The following HTR3D variants were observed in gnomAD, a reference collection of about 807,000 sequenced individuals.
The protein encoded by HTR3D is 5-hydroxytryptamine receptor 3D.
HTR3D carries 47 observed loss-of-function variants against 45.8 expected under a neutral mutation model. That is an observed-to-expected ratio of 1.03 (90% CI 0.81 to 1.31). HTR3D has a LOEUF of 1.31. HTR3D is among the 50% of genes most tolerant of loss of function. The pLI, the probability that HTR3D is intolerant of heterozygous loss-of-function variation, is 0.00. For synonymous variants in HTR3D, 203 were observed against 199.8 expected (o/e 1.02, Z -0.13); for missense variants, 448 against 506.9 (o/e 0.88, Z 1.12).
intron 1 of HTR3D, among the ~76,000 whole-genome samples, chr3:184,034,563 AAG>A (rs1722830007): frequency 6.6e-6 from 1 of 152,168 alleles, no homozygotes; most frequent in African/African-American, 2.4e-5. Context: ...TAAAATGGTT[AAG>A]AGAGTACATT....
At position 184,033,061 on chromosome 3, in the gene HTR3D, G is replaced by C. The variant is rs752732862; in HGVS notation, c.66+1254G>C. The C allele has an allele frequency of 2.6e-6, 4 of 1,548,730 alleles. No homozygotes were observed. The South Asian group carries it at 3.6e-5, about 14-fold the overall frequency. On this transcript the variant is annotated intron_variant, in intron 1 of 7. Transcript: ENST00000428798. ...TCACCTTGTCTGCCATCTGGAAGTT[G>C]TAAGTCCTCACCCAACATTGCAGTG... is the stretch of plus-strand genomic sequence containing the variant.
chr3:184,039,159 T>A lies in HTR3D; in HGVS notation c.*184T>A, dbSNP rs1413626580. On this transcript the variant is annotated 3_prime_UTR_variant, in exon 8 of 8. Transcript: ENST00000428798. ...CCTCCAAAAGTCGGGTCCTTGCTCC[T>A]GCATGCCATCAGCCCCACTCAGCCC... 4.7e-6 allele frequency: 3 copies of A among 640,082 alleles called. No homozygotes were observed. The highest frequency in any genetic ancestry group is 8.0e-6 in the Non-Finnish European group (3 of 377,204). 39.7% of individuals were successfully genotyped at this position (640,082 alleles called of 1,614,324 possible).
intron 5 of HTR3D, among the ~76,000 whole-genome samples, chr3:184,037,817 A>G (rs1456165341): frequency 6.6e-6 from 1 of 152,232 alleles, no homozygotes; most frequent in African/African-American, 2.4e-5. Flanking sequence ...AAAAGGAATG[A>G]GATACATTTC....
At position 184,035,993 on chromosome 3, in the gene HTR3D, T is replaced by A. The variant is rs1245518912; in HGVS notation, c.112-22T>A. On this transcript the variant is annotated intron_variant, in intron 2 of 7. Coordinates refer to ENST00000428798, the MANE Select transcript of HTR3D (RefSeq NM_001145143.1). ...CAGACAGAAGCCACCATGCCCGGCC[T>A]TGGCACAATCAATTTGTGCAGTGGA... The A allele has an allele frequency of 5.2e-6, 8 of 1,550,230 alleles. No individual in the cohort carries two copies. The African/African-American group carries it at 8.2e-5, about 16-fold the overall frequency.
chr3:184,036,074 G>T lies in HTR3D; in HGVS notation c.171G>T (p.Trp57Cys). 1 of 1,551,472 alleles carries T rather than the reference G, an allele frequency of 6.4e-7. No homozygotes were observed. Among genetic ancestry groups the T allele is most frequent in the South Asian group, 1.2e-5 (1 of 84,026 alleles). ...KKSGMATENL[W>C]LSDVFIEESV... ...CCGGCATGGCAACTGAGAACCTATG[G>T]CTTTCAGATGTCTTCATCGAGGAGT... Residue 57 changes from tryptophan to cysteine, a missense_variant, in exon 3 of 8, where the codon TGG (tryptophan) becomes TGT (cysteine). By Grantham distance (215) the Trp-to-Cys change is radical. Coordinates refer to ENST00000428798, the MANE Select transcript of HTR3D (RefSeq NM_001145143.1).
Position 184,036,844 on chromosome 3 carries a change from G to C in HTR3D, c.464G>C (p.Arg155Thr), listed in dbSNP as rs921621347. 6.4e-7 allele frequency: 1 copy of C among 1,551,634 alleles called. No homozygotes were observed. Among genetic ancestry groups the C allele is most frequent in the Non-Finnish European group, 8.7e-7 (1 of 1,146,960 alleles). The change falls in exon 5 of 8, where the codon AGA becomes ACA. Residue 155 changes from arginine (R) to threonine (T), a missense_variant. Coordinates refer to ENST00000428798, the MANE Select transcript of HTR3D (RefSeq NM_001145143.1). ...TGGGTACTGCTGGGTATCCAAAAAA[G>C]AACAATAAAGGTGACCGTGGCCACT... ...REWVLLGIQK[R>T]TIKVTVATNQ...
At chr3:184,036,295 A>T in intron 3 of HTR3D, 80 bp from the exon 4 acceptor site, 3 of 1,558,180 alleles carry the variant, frequency 1.9e-6, no homozygotes, top group Non-Finnish European at 2.6e-6. Context: ...GAATGGGATG[A>T]CCTGACAGAG....
chr3:184,031,870 G>C, intron 1 of HTR3D, 63 bp downstream of exon 1: 4 of 1,205,558 alleles, frequency 3.3e-6, no homozygotes, highest in Non-Finnish European at 4.8e-6. Context: ...GAGAAAACAG[G>C]CTAATATTTT....
Position 184,038,906 on chromosome 3 carries a change from G to A in HTR3D, c.1146G>A (p.Leu382=), listed in dbSNP as rs763558136. The part of the protein sequence containing the change: ...WVQFSHAMDA[L]LFRLYLLFMA... ...AGTTCAGCCACGCGATGGACGCCCT[G>A]CTCTTCCGCCTCTACCTGCTCTTCA... The change falls in exon 8 of 8, where the codon CTG becomes CTA. Residue 382 remains leucine, a synonymous_variant. Coordinates refer to ENST00000428798, the MANE Select transcript of HTR3D (RefSeq NM_001145143.1). The surrounding 1 kb of genome is among the most constrained non-coding windows in gnomAD (Gnocchi z 4.5). The A allele has an allele frequency of 3.7e-6, 6 of 1,614,208 alleles. No homozygotes were observed. The South Asian group carries it at 6.6e-5, about 18-fold the overall frequency.
At chr3:184,032,902 C>A in intron 1 of HTR3D, 2 of 1,552,210 alleles carry the variant, frequency 1.3e-6, no homozygotes, top group South Asian at 1.2e-5. Context: ...CAGGAAATGG[C>A]GACACTTTGA....
At position 184,031,996 on chromosome 3, in the gene HTR3D, T is replaced by C. The variant is rs551209370; in HGVS notation, c.66+189T>C. On this transcript the variant is annotated intron_variant, in intron 1 of 7. Coordinates refer to ENST00000428798, the MANE Select transcript of HTR3D (RefSeq NM_001145143.1). ...ATATTTAGTTAACTCTTTTCTCTTC[T>C]TTTTTTTTTTTTTTTTGAGATGGAG... Among the ~76,000 whole-genome samples the C allele has an allele frequency of 3.7e-3, 213 of 57,290 alleles. 2 individuals carry two copies. Among genetic ancestry groups the C allele is most frequent in the South Asian group, 3.1e-3 (7 of 2,252 alleles). 37.6% of individuals were successfully genotyped at this position (57,290 alleles called of 152,430 possible).
chr3:184,033,327 T>C (rs1722800379), intron 1 of HTR3D, among the ~76,000 whole-genome samples: 1 of 151,954 alleles, frequency 6.6e-6, no homozygotes. Flanking sequence ...GGTCTCAAAT[T>C]CCTGACCTCA....
rs1722850612 is a variant in HTR3D, at chr3:184,035,172, T to C, written c.67-6T>C. ...TTAATCATCTAGATGAAAGCTGCTATTCCAGGATTCACACCTTCAACTGGT... is the reference window on the plus strand; with the variant it reads ...TTAATCATCTAGATGAAAGCTGCTACTCCAGGATTCACACCTTCAACTGGT... On this transcript the variant is annotated splice_region_variant and splice_polypyrimidine_tract_variant and intron_variant, in intron 1 of 7. Transcript: ENST00000428798. 6.4e-7 allele frequency: 1 copy of C among 1,552,070 alleles called. No individual in the cohort carries two copies. Among genetic ancestry groups the C allele is most frequent in the Non-Finnish European group, 8.7e-7 (1 of 1,147,044 alleles).
intron 1 of HTR3D, among the ~76,000 whole-genome samples, chr3:184,034,239 T>C (rs4912518): frequency 0.62 from 94,786 of 152,108 alleles, 29,957 homozygotes; most frequent in East Asian, 0.93. Context: ...AAATGTGGTA[T>C]GTACTTACAA....
chr3:184,038,921 C>T lies in HTR3D; in HGVS notation c.1161C>T (p.Tyr387=), dbSNP rs758258654. Residue 387 remains tyrosine (Y), a synonymous_variant, in exon 8 of 8, where the codon TAC becomes TAT. Transcript: ENST00000428798. The surrounding 1 kb of genome is among the most constrained non-coding windows in gnomAD (Gnocchi z 4.5). The stretch of plus-strand genomic sequence containing the variant: ...TGGACGCCCTGCTCTTCCGCCTCTA[C>T]CTGCTCTTCATGGCCTCCTCCATCA... The part of the protein sequence containing the change: ...HAMDALLFRL[Y]LLFMASSIIT... 6 of 1,614,198 alleles carry T rather than the reference C, an allele frequency of 3.7e-6. No individual in the cohort carries two copies. The highest frequency in any genetic ancestry group is 1.7e-5 in the Admixed American group (1 of 60,030).
Position 184,038,984 on chromosome 3 carries a change from T to C in HTR3D, c.*9T>C, listed in dbSNP as rs1723003265. 6.2e-7 allele frequency: 1 copy of C among 1,612,940 alleles called. No individual in the cohort carries two copies. Among genetic ancestry groups the C allele is most frequent in the Non-Finnish European group, 8.5e-7 (1 of 1,179,168 alleles). On this transcript the variant is annotated 3_prime_UTR_variant, in exon 8 of 8. Transcript: ENST00000428798. The surrounding 1 kb of genome is among the most constrained non-coding windows in gnomAD (Gnocchi z 4.5). Reference sequence around the variant, plus strand: ...GCCTCTGGAACACCTAGGCAGGTGCTCACCTGCAAACTTCAGTCTGGACTT... The same window carrying C: ...GCCTCTGGAACACCTAGGCAGGTGCCCACCTGCAAACTTCAGTCTGGACTT...
intron 1 of HTR3D, chr3:184,033,107 C>A: frequency 7.5e-7 from 1 of 1,340,078 alleles, no homozygotes; most frequent in Non-Finnish European, 1.0e-6. Context: ...GAGCAGTGGA[C>A]CCTCTGACTG....
chr3:184,032,886 T>G, intron 1 of HTR3D: 1 of 1,551,976 alleles, frequency 6.4e-7, no homozygotes, highest in Non-Finnish European at 8.7e-7. Context: ...CAGTCTCTGC[T>G]CACTACAGGA....
intron 1 of HTR3D, chr3:184,032,763 A>C: frequency 8.6e-7 from 1 of 1,161,346 alleles, no homozygotes; most frequent in Non-Finnish European, 1.2e-6. Context: ...CTACCAGCTC[A>C]GCCTACTCTT....
Sources: allele counts gnomAD v4.1 joint callset (sites outside exome capture counted in the v4.1 genomes callset), GRCh38; gene constraint gnomAD v4.1.1; non-coding constraint Gnocchi (gnomAD v3.1); transcripts MANE v1.5; gene names NCBI Gene and HGNC (gene_info 2026-07-23, HGNC 2026-07-21).